Variants in DSCAML1 observed in about 807,000 individuals in gnomAD.
DSCAML1 encodes the protein DS cell adhesion molecule like 1, also known as cell adhesion molecule DSCAML1.
In DSCAML1, 38 loss-of-function variants were observed where a neutral mutation model predicts 200.5. The observed-to-expected ratio is 0.19, with a 90% confidence interval of 0.15 to 0.25. The LOEUF (loss-of-function observed/expected upper bound fraction) is 0.25, where lower values mean the gene tolerates loss of function less well. DSCAML1 is among the 10% of genes least tolerant of loss of function. The pLI is 1.00. For synonymous variants in DSCAML1, 1,215 were observed against 1,165.0 expected (o/e 1.04, Z -0.87); for missense variants, 2,223 against 2,858.8 (o/e 0.78, Z 5.07).
intron 3 of DSCAML1, among the ~76,000 whole-genome samples, chr11:117,616,438 G>T (rs1414949767): frequency 6.6e-6 from 1 of 152,214 alleles, no homozygotes. Flanking sequence ...TATACAGGTT[G>T]TTCCTTTCCA....
chr11:117,690,684 T>C (rs1184037414), intron 3 of DSCAML1, among the ~76,000 whole-genome samples: 4 of 152,222 alleles, frequency 2.6e-5, no homozygotes, highest in African/African-American at 9.6e-5. Flanking sequence ...CACCCCTCCC[T>C]GGAAGGCAGG....
intron 3 of DSCAML1, among the ~76,000 whole-genome samples, chr11:117,583,570 G>A (rs577038042): frequency 7.9e-5 from 12 of 152,078 alleles, no homozygotes; most frequent in Non-Finnish European, 1.2e-4. Flanking sequence ...TGCCACAAGC[G>A]CCATTACCCT....
intron 3 of DSCAML1, among the ~76,000 whole-genome samples, chr11:117,637,966 C>T (rs1033774263): frequency 6.6e-6 from 1 of 152,170 alleles, no homozygotes; most frequent in African/African-American, 2.4e-5. Context: ...TCTGTAGAGG[C>T]CCCCAGAATG....
intron 27 of DSCAML1, 118 bp downstream of exon 27, chr11:117,435,526 T>C (rs1004077807): frequency 1.1e-5 from 14 of 1,256,332 alleles, no homozygotes; most frequent in South Asian, 1.9e-5. Context: ...TGCTCCTCCT[T>C]CAAGGGGACA....
intron 1 of DSCAML1, among the ~76,000 whole-genome samples, chr11:117,788,632 A>G (rs549610460): frequency 6.6e-6 from 1 of 152,262 alleles, no homozygotes; most frequent in East Asian, 1.9e-4. Context: ...CAGCCCCATC[A>G]TTTCTTTGTA....
At chr11:117,736,527 A>G (rs2054318910) in intron 3 of DSCAML1, among the ~76,000 whole-genome samples, 1 of 152,220 alleles carries the variant, frequency 6.6e-6, no homozygotes, top group African/African-American at 2.4e-5. Context: ...TGTGGACCCA[A>G]GAGGGAGGAT....
intron 1 of DSCAML1, among the ~76,000 whole-genome samples, chr11:117,804,792 C>A (rs146380335): frequency 6.6e-6 from 1 of 152,064 alleles, no homozygotes; most frequent in African/African-American, 2.4e-5. Context: ...TAGCCAGGCA[C>A]GGTGGTGCAT....
intron 3 of DSCAML1, among the ~76,000 whole-genome samples, chr11:117,562,251 T>C (rs1035929124): frequency 6.6e-6 from 1 of 152,172 alleles, no homozygotes; most frequent in African/African-American, 2.4e-5. Context: ...TGACGCACTG[T>C]GGGTCCCAAG....
At chr11:117,722,544 A>G (rs2054058197) in intron 3 of DSCAML1, among the ~76,000 whole-genome samples, 1 of 152,214 alleles carries the variant, frequency 6.6e-6, no homozygotes, top group African/African-American at 2.4e-5. Flanking sequence ...TGTTCCCAAC[A>G]CAAAGAAATG....
At chr11:117,575,920 G>A (rs1418885395) in intron 3 of DSCAML1, among the ~76,000 whole-genome samples, 1 of 152,110 alleles carries the variant, frequency 6.6e-6, no homozygotes, top group East Asian at 1.9e-4. Context: ...AAAGGCTTGG[G>A]CCCACACTGC....
intron 3 of DSCAML1, among the ~76,000 whole-genome samples, chr11:117,612,184 T>G (rs764572924): frequency 1.3e-5 from 2 of 152,216 alleles, no homozygotes; most frequent in Non-Finnish European, 2.9e-5. Flanking sequence ...AAGGCCCACT[T>G]GGCTTATTAG....
At chr11:117,580,173 T>C (rs952193356) in intron 3 of DSCAML1, among the ~76,000 whole-genome samples, 1 of 152,194 alleles carries the variant, frequency 6.6e-6, no homozygotes, top group Non-Finnish European at 1.5e-5. Flanking sequence ...AGGGAGGAAA[T>C]GTACTCAGGA....
rs1313600483 is a variant in DSCAML1 at position 117,716,728 on chromosome 11, C to T, written c.511+60063G>A. Among the ~76,000 whole-genome samples the T allele has an allele frequency of 2.0e-5, 3 of 152,228 alleles. No individual in the cohort carries two copies. In the East Asian group the frequency reaches 5.8e-4, roughly 29 times the overall value. ...AATGGTTGGGGGGAAAAAGAAAACA[C>T]CAAAAGGAGATTATTTCATGACACA... On this transcript the variant is annotated intron_variant, in intron 3 of 32. Coordinates refer to ENST00000651296, the MANE Select transcript of DSCAML1 (RefSeq NM_020693.4).
intron 3 of DSCAML1, among the ~76,000 whole-genome samples, chr11:117,579,982 G>C (rs1233875168): frequency 6.6e-6 from 1 of 152,168 alleles, no homozygotes; most frequent in African/African-American, 2.4e-5. Context: ...CAGTCTAGCT[G>C]TTTCCGTCAT....
chr11:117,629,718 A>T (rs1376794129), intron 3 of DSCAML1, among the ~76,000 whole-genome samples: 1 of 152,070 alleles, frequency 6.6e-6, no homozygotes, highest in Non-Finnish European at 1.5e-5. Context: ...GAGCAGGGAG[A>T]AGCCATGGTG....
At chr11:117,512,683 CACAT>C (rs879392449) in intron 8 of DSCAML1, among the ~76,000 whole-genome samples, 2,833 of 71,202 alleles carry the variant, frequency 0.04, 39 homozygotes, top group Non-Finnish European at 0.049. Flanking sequence ...CACACACACA[CACAT>C]GCCTGCTATG....
At chr11:117,669,842 A>C (rs2053066030) in intron 3 of DSCAML1, among the ~76,000 whole-genome samples, 1 of 152,226 alleles carries the variant, frequency 6.6e-6, no homozygotes, top group Non-Finnish European at 1.5e-5. Flanking sequence ...TGAGAAACTG[A>C]GATCCTTGTG....
At chr11:117,454,770 TGCAATCTGGGCATGA>T (rs2048342724) in intron 19 of DSCAML1, among the ~76,000 whole-genome samples, 1 of 152,244 alleles carries the variant, frequency 6.6e-6, no homozygotes, top group African/African-American at 2.4e-5. Context: ...GATAGGCACC[TGCAATCTGGGCATGA>T]GCAATCTGGG....
rs554912 is a variant in DSCAML1 at position 117,469,569 on chromosome 11, C to T, written c.3024+341G>A. Among the ~76,000 whole-genome samples, 40,227 of 151,932 alleles carry T rather than the reference C, an allele frequency of 0.26. 6,446 individuals are homozygous for T. The highest frequency in any genetic ancestry group is 0.43 in the African/African-American group (17,770 of 41,362). Reference sequence around the variant, plus strand: ...AGGAGGAACTTGGCACAAAATCAAACCTACTTCCAACCTTATTACAACATG... The same window carrying T: ...AGGAGGAACTTGGCACAAAATCAAATCTACTTCCAACCTTATTACAACATG... On this transcript the variant is annotated intron_variant, in intron 16 of 32. Transcript: ENST00000651296. This position sits in a 1 kb window ranked among gnomAD's most constrained non-coding sequence, Gnocchi z 4.1.
Sources: allele counts gnomAD v4.1 joint callset (sites outside exome capture counted in the v4.1 genomes callset), GRCh38; gene constraint gnomAD v4.1.1; non-coding constraint Gnocchi (gnomAD v3.1); transcripts MANE v1.5; gene names NCBI Gene and HGNC (gene_info 2026-07-23, HGNC 2026-07-21).